The following IFNA2 variants were observed in gnomAD, a reference collection of about 807,000 sequenced individuals.
IFNA2 encodes the protein interferon alpha-2.
For synonymous variants in IFNA2, 91 were observed against 80.7 expected (o/e 1.13, Z -0.68); for missense variants, 260 against 210.3 (o/e 1.24, Z -1.46).
Position 21,385,160 on chromosome 9 carries a change from T to G in IFNA2, c.170A>C (p.His57Pro). Residue 57 changes from histidine (H) to proline (P), a missense_variant, in exon 1 of 1, where the codon CAT becomes CCT. Coordinates refer to ENST00000380206, the MANE Select transcript of IFNA2 (RefSeq NM_000605.4). ...ISLFSCLKDR[H>P]DFGFPQEEFG... ...CTCCTCCTGGGGAAATCCAAAGTCA[T>G]GTCTGTCCTTCAAGCAGGAGAAAAG... is the stretch of plus-strand genomic sequence containing the variant. 5 of 1,613,920 alleles carry G rather than the reference T, an allele frequency of 3.1e-6. No homozygotes were observed. Among genetic ancestry groups the G allele is most frequent in the Non-Finnish European group, 4.2e-6 (5 of 1,179,964 alleles).
rs1193542306 is a variant in IFNA2 at position 21,384,683 on chromosome 9, T to C, written c.*80A>G. The C allele has an allele frequency of 1.5e-6, 2 of 1,344,256 alleles. No individual in the cohort carries two copies. The highest frequency in any genetic ancestry group is 2.0e-6 in the Non-Finnish European group (2 of 977,870). The allele number at this position is 1,344,256 out of a possible 1,614,324, so 83.3% of individuals were successfully genotyped here. A position where few individuals can be genotyped will look rare whatever the true frequency, so the allele number is the denominator to read the frequency against. ...TCGTGTCATGGTCATAGCAGAAACA[T>C]GAGTCTTTGAAATGGCAGATCATAA... On this transcript the variant is annotated 3_prime_UTR_variant, in exon 1 of 1. Transcript: ENST00000380206.
chr9:21,384,914 A>G lies in IFNA2; in HGVS notation c.416T>C (p.Ile139Thr), dbSNP rs768519239. 13 of 1,613,942 alleles carry G rather than the reference A, an allele frequency of 8.1e-6. No homozygotes were observed. The highest frequency in any genetic ancestry group is 1.3e-5 in the African/African-American group (1 of 74,888). Residue 139 changes from isoleucine to threonine, a missense_variant, in exon 1 of 1, where the codon ATT (isoleucine) becomes ACT (threonine). By Grantham distance (89) the Ile-to-Thr change is moderately conservative. Transcript: ENST00000380206. Reference sequence around the variant, plus strand: ...TTGGAAGTATTTCCTCACAGCCAGAATGGAGTCCTCCTTCATCAGGGGAGT... The same window carrying G: ...TTGGAAGTATTTCCTCACAGCCAGAGTGGAGTCCTCCTTCATCAGGGGAGT... ...TETPLMKEDS[I>T]LAVRKYFQRI...
chr9:21,385,191 T>G lies in IFNA2; in HGVS notation c.139A>C (p.Ile47Leu), dbSNP rs750976539. 6.2e-7 allele frequency: 1 copy of G among 1,613,906 alleles called. No homozygotes were observed. The highest frequency in any genetic ancestry group is 8.5e-7 in the Non-Finnish European group (1 of 1,179,970). ...TCCTTCAAGCAGGAGAAAAGAGAGA[T>G]TCTCCTCATCTGTGCCAGGAGCATC... ...TLMLLAQMRR[I>L]SLFSCLKDRH... Residue 47 changes from isoleucine to leucine, a missense_variant, in exon 1 of 1, where the codon ATC becomes CTC. Transcript: ENST00000380206.
chr9:21,385,271 C>T lies in IFNA2; in HGVS notation c.59G>A (p.Cys20Tyr), dbSNP rs1320975260. The change falls in exon 1 of 1, where the codon TGC (cysteine) becomes TAC (tyrosine). Residue 20 changes from cysteine (C) to tyrosine (Y), a missense_variant. Physicochemically the swap from Cys to Tyr is radical, Grantham distance 194. Coordinates refer to ENST00000380206, the MANE Select transcript of IFNA2 (RefSeq NM_000605.4). Reference protein sequence around the residue: ...ALLVLSCKSSCSVGCDLPQTH... With the variant: ...ALLVLSCKSSYSVGCDLPQTH... ...TTGAGGCAGATCACAGCCCACAGAG[C>T]AGCTTGACTTGCAGCTGAGCACCAG... 7 of 1,613,746 alleles carry T rather than the reference C, an allele frequency of 4.3e-6. No homozygotes were observed. Among genetic ancestry groups the T allele is most frequent in the Admixed American group, 3.3e-5 (2 of 59,934 alleles).
Position 21,384,610 on chromosome 9 carries a change from G to A in IFNA2, c.*153C>T, listed in dbSNP as rs1380340359. The stretch of plus-strand genomic sequence containing the variant: ...GTAAGGGACTAGTGCCTTAAGAGCT[G>A]AATACAATGTTGATTAATACTCCTA... On this transcript the variant is annotated 3_prime_UTR_variant, in exon 1 of 1. Transcript: ENST00000380206. 9.8e-6 allele frequency: 7 copies of A among 716,844 alleles called. No homozygotes were observed. The highest frequency in any genetic ancestry group is 1.3e-5 in the Non-Finnish European group (6 of 466,682). 44.4% of individuals were successfully genotyped at this position (716,844 alleles called of 1,614,324 possible).
In IFNA2 at chr9:21,385,373, C is replaced by G. The variant is rs375764167; in HGVS notation, c.-44G>C. The G allele has an allele frequency of 5.1e-4, 767 of 1,501,984 alleles. No homozygotes were observed. The highest frequency in any genetic ancestry group is 6.6e-4 in the Non-Finnish European group (732 of 1,109,770). The allele number at this position is 1,501,984 out of a possible 1,614,324, so 93.0% of individuals were successfully genotyped here. On this transcript the variant is annotated 5_prime_UTR_variant, in exon 1 of 1. Coordinates refer to ENST00000380206, the MANE Select transcript of IFNA2 (RefSeq NM_000605.4). ...TGCTAGACTGGTTGAAATGGGTGAG[C>G]CTAAACCTTAGGCTCCAGGTTCTCT...
rs755786142 is a variant in IFNA2 at position 21,384,856 on chromosome 9, G to A, written c.474C>T (p.Tyr158=). 41 of 1,614,070 alleles carry A rather than the reference G, an allele frequency of 2.5e-5. No homozygotes were observed. Among genetic ancestry groups the A allele is most frequent in the Non-Finnish European group, 3.5e-5 (41 of 1,179,948 alleles). Residue 158 remains tyrosine, a synonymous_variant, in exon 1 of 1, where the codon TAC becomes TAT. Coordinates refer to ENST00000380206, the MANE Select transcript of IFNA2 (RefSeq NM_000605.4). ...RITLYLKEKK[Y]SPCAWEVVRA... Reference sequence around the variant, plus strand: ...TGACAACCTCCCAGGCACAAGGGCTGTATTTCTTCTCTTTCAGATAGAGAG... The same window carrying A: ...TGACAACCTCCCAGGCACAAGGGCTATATTTCTTCTCTTTCAGATAGAGAG...
In IFNA2 at chr9:21,384,957, C is replaced by A. The variant is rs142619231; in HGVS notation, c.373G>T (p.Gly125Trp). The change falls in exon 1 of 1, where the codon GGG becomes TGG. Residue 125 changes from glycine to tryptophan, a missense_variant. By Grantham distance (184) the Gly-to-Trp change is radical (BLOSUM62 -2). Transcript: ENST00000380206. ...LNDLEACVIQGVGVTETPLMK... is the reference protein window; with the variant it reads ...LNDLEACVIQWVGVTETPLMK... ...AGGGGAGTCTCTGTCACCCCCACCC[C>A]CTGTATCACACAGGCTTCCAGGTCA... 9.3e-6 allele frequency: 15 copies of A among 1,613,852 alleles called. No individual in the cohort carries two copies. Among genetic ancestry groups the A allele is most frequent in the Admixed American group, 1.7e-5 (1 of 59,988 alleles).
chr9:21,385,332 T>C lies in IFNA2; in HGVS notation c.-3A>G. 6.2e-7 allele frequency: 1 copy of C among 1,606,400 alleles called. No homozygotes were observed. Among genetic ancestry groups the C allele is most frequent in the Non-Finnish European group, 8.5e-7 (1 of 1,176,686 alleles). On this transcript the variant is annotated 5_prime_UTR_variant, in exon 1 of 1. Transcript: ENST00000380206. ...AGTAAAGCAAAGGTCAAGGCCATTG[T>C]AGATGTTGCAGATGCTGCTAGACTG...
chr9:21,385,155 A>G lies in IFNA2; in HGVS notation c.175T>C (p.Phe59Leu). The G allele has an allele frequency of 6.2e-7, 1 of 1,614,016 alleles. No homozygotes were observed. The highest frequency in any genetic ancestry group is 8.5e-7 in the Non-Finnish European group (1 of 1,179,988). The stretch of plus-strand genomic sequence containing the variant: ...CCAAACTCCTCCTGGGGAAATCCAA[A>G]GTCATGTCTGTCCTTCAAGCAGGAG... ...LFSCLKDRHD[F>L]GFPQEEFGNQ... Residue 59 changes from phenylalanine (F) to leucine (L), a missense_variant, in exon 1 of 1, where the codon TTT becomes CTT. Coordinates refer to ENST00000380206, the MANE Select transcript of IFNA2 (RefSeq NM_000605.4).
At position 21,384,460 on chromosome 9, in the gene IFNA2, A is replaced by G. The variant is rs934272016; in HGVS notation, c.*303T>C. 1.3e-5 allele frequency: 2 copies of G among 153,414 alleles called. No individual in the cohort carries two copies. The highest frequency in any genetic ancestry group is 1.3e-4 in the Admixed American group (2 of 15,306). The allele number at this position is 153,414 out of a possible 1,614,324, so 9.5% of individuals were successfully genotyped here. Reference sequence around the variant, plus strand: ...AAATACAAAGAACATATTTTATTACATTAACCACTGTGCAAAGGTGCACAT... The same window carrying G: ...AAATACAAAGAACATATTTTATTACGTTAACCACTGTGCAAAGGTGCACAT... On this transcript the variant is annotated 3_prime_UTR_variant, in exon 1 of 1. Transcript: ENST00000380206.
Sources: gnomAD v4.1 joint callset for allele counts on GRCh38, gnomAD v4.1.1 for gene constraint, MANE v1.5 for transcripts, NCBI Gene and HGNC (gene_info 2026-07-23, HGNC 2026-07-21) for gene names.